The following SIMC1 variants were observed in gnomAD, a reference collection of about 807,000 sequenced individuals.
The protein encoded by SIMC1 is SUMO-interacting motif-containing protein 1.
Under a neutral mutation model 82.3 loss-of-function variants are expected in SIMC1, and 55 were observed. The ratio of observed to expected loss-of-function variants is 0.67; its 90% confidence interval spans 0.54 to 0.84. SIMC1 has a LOEUF of 0.84. Ranked by LOEUF, SIMC1 falls within the 40% of genes least tolerant of loss-of-function variation. SIMC1 has a pLI of 0.00. For synonymous variants in SIMC1, 353 were observed against 426.3 expected (o/e 0.83, Z 2.12); for missense variants, 915 against 1,107.2 (o/e 0.83, Z 2.46).
At chr5:176,323,999 A>C (rs1263498903) in intron 6 of SIMC1, among the ~76,000 whole-genome samples, 1 of 148,820 alleles carries the variant, frequency 6.7e-6, no homozygotes, top group Non-Finnish European at 1.5e-5. Context: ...AAAAAAAAAA[A>C]AAAAAAAAAA....
chr5:176,305,958 C>A, intron 4 of SIMC1, among the ~76,000 whole-genome samples: 1 of 77,992 alleles, frequency 1.3e-5, no homozygotes, highest in Admixed American at 1.1e-4. Flanking sequence ...TCTGCCCGGC[C>A]AGCCGCCCCA....
intron 8 of SIMC1, 56 bp from the exon 9 acceptor site, chr5:176,337,006 C>T: frequency 6.2e-7 from 1 of 1,604,816 alleles, no homozygotes; most frequent in Non-Finnish European, 8.5e-7. Context: ...GAAAACTGTA[C>T]AAAAATTTTA....
At chr5:176,322,161 A>G (rs940111033) in intron 5 of SIMC1, 112 bp from the exon 6 acceptor site, 6 of 1,274,072 alleles carry the variant, frequency 4.7e-6, no homozygotes, top group Admixed American at 2.8e-5. Flanking sequence ...GGTTAAGGCT[A>G]TAGTTCTGAG....
chr5:176,311,783 C>T (rs6883338), intron 4 of SIMC1, among the ~76,000 whole-genome samples: 1 of 152,020 alleles, frequency 6.6e-6, no homozygotes, highest in Non-Finnish European at 1.5e-5. Flanking sequence ...TAACAGAATC[C>T]TGACACTGTA....
intron 1 of SIMC1, among the ~76,000 whole-genome samples, chr5:176,256,930 A>AT (rs1218009573): frequency 1.3e-5 from 2 of 152,020 alleles, no homozygotes; most frequent in Non-Finnish European, 1.5e-5. Flanking sequence ...TAATTTATTT[A>AT]TTTTTTGGTA....
intron 1 of SIMC1, among the ~76,000 whole-genome samples, chr5:176,268,574 G>A (rs1762296842): frequency 6.6e-6 from 1 of 151,878 alleles, no homozygotes; most frequent in African/African-American, 2.4e-5. Flanking sequence ...GAAGATTTCT[G>A]GAGACTAAGA....
intron 1 of SIMC1, among the ~76,000 whole-genome samples, chr5:176,253,425 C>A (rs1466133879): frequency 2.0e-5 from 3 of 152,042 alleles, no homozygotes; most frequent in African/African-American, 7.2e-5. Context: ...TGTTGGCCAG[C>A]CTAGTCTCGA....
chr5:176,257,302 T>C (rs1000515119), intron 1 of SIMC1, among the ~76,000 whole-genome samples: 1 of 152,158 alleles, frequency 6.6e-6, no homozygotes, highest in African/African-American at 2.4e-5. Context: ...CAAAGACTTT[T>C]ATATAAAAAT....
chr5:176,297,403 G>A (rs1193934911), intron 4 of SIMC1, among the ~76,000 whole-genome samples: 8 of 150,268 alleles, frequency 5.3e-5, no homozygotes, highest in African/African-American at 1.5e-4. Flanking sequence ...TCGGAAGGCT[G>A]AGGTAGGAGA....
intron 1 of SIMC1, among the ~76,000 whole-genome samples, chr5:176,248,775 G>A (rs1396217152): frequency 2.6e-5 from 4 of 152,050 alleles, no homozygotes; most frequent in East Asian, 1.9e-4. Context: ...TTTGAGATAC[G>A]TTTCATCAAC....
intron 1 of SIMC1, among the ~76,000 whole-genome samples, chr5:176,246,407 G>GGGGT (rs1313338461): frequency 2.9e-5 from 4 of 136,972 alleles, no homozygotes; most frequent in African/African-American, 1.1e-4. Flanking sequence ...ATAGTTCAGG[G>GGGGT]GTGTGTGTGT....
intron 1 of SIMC1, among the ~76,000 whole-genome samples, chr5:176,275,914 G>A (rs2113200356): frequency 1.3e-5 from 2 of 151,798 alleles, no homozygotes; most frequent in East Asian, 3.9e-4. Context: ...GTTCATCAAG[G>A]ATATTGGTCT....
intron 9 of SIMC1, among the ~76,000 whole-genome samples, chr5:176,339,088 G>T (rs929077764): frequency 1.3e-5 from 2 of 152,218 alleles, no homozygotes; most frequent in Admixed American, 6.5e-5. Context: ...TGTCGGCCAG[G>T]CATGGTGGCT....
intron 1 of SIMC1, among the ~76,000 whole-genome samples, chr5:176,281,251 G>A (rs1762991830): frequency 6.6e-6 from 1 of 152,156 alleles, no homozygotes; most frequent in East Asian, 1.9e-4. Flanking sequence ...CATGCTTCAC[G>A]TAGTTCTCGA....
At chr5:176,314,981 A>G (rs1008831625) in intron 5 of SIMC1, among the ~76,000 whole-genome samples, 2 of 152,194 alleles carry the variant, frequency 1.3e-5, no homozygotes, top group Admixed American at 6.5e-5. Flanking sequence ...TTTAAGGTAG[A>G]CTAGGCTAAG....
intron 1 of SIMC1, among the ~76,000 whole-genome samples, chr5:176,257,321 A>G (rs1012264939): frequency 6.6e-6 from 1 of 152,122 alleles, no homozygotes; most frequent in Non-Finnish European, 1.5e-5. Context: ...ATTTTTTTTA[A>G]TTAAAAAACA....
rs138928707 is a variant in SIMC1 at position 176,289,845 on chromosome 5, G to C, written c.321G>C (p.Ala107=). The change falls in exon 2 of 10, where the codon GCG becomes GCC. Residue 107 remains alanine, a synonymous_variant. Coordinates refer to ENST00000429602, the MANE Select transcript of SIMC1 (RefSeq NM_001308195.2). ...CATGTGCCAGCCTCTCTGGCAAAGC[G>C]GTGATGGAAGGGCACGTGGACAGAA... ...LQTCASLSGK[A]VMEGHVDRSS... 7.4e-6 allele frequency: 12 copies of C among 1,613,808 alleles called. No individual in the cohort carries two copies. In the Admixed American group the frequency reaches 2.0e-4, roughly 27 times the overall value.
intron 1 of SIMC1, among the ~76,000 whole-genome samples, chr5:176,272,437 A>T (rs1456903488): frequency 6.6e-6 from 1 of 152,110 alleles, no homozygotes; most frequent in Non-Finnish European, 1.5e-5. Flanking sequence ...TGCAGACAAC[A>T]CATATATAGA....
chr5:176,341,597 G>GGACA (rs1766148501), intron 9 of SIMC1, among the ~76,000 whole-genome samples: 1 of 152,150 alleles, frequency 6.6e-6, no homozygotes, highest in African/African-American at 2.4e-5. Context: ...GCAGTGGATG[G>GGACA]GACAGAAGCA....
Sources: gnomAD v4.1 joint callset for allele counts (sites outside exome capture counted in the v4.1 genomes callset) on GRCh38, gnomAD v4.1.1 for gene constraint, MANE v1.5 for transcripts, NCBI Gene and HGNC (gene_info 2026-07-23, HGNC 2026-07-21) for gene names.